OSBPL10: variants seen among roughly 807,000 people sequenced by gnomAD.
OSBPL10 encodes the protein oxysterol binding protein like 10, also known as oxysterol-binding protein-related protein 10.
OSBPL10 carries 49 observed loss-of-function variants against 81.7 expected under a neutral mutation model. That is an observed-to-expected ratio of 0.60 (90% CI 0.48 to 0.76). The LOEUF (loss-of-function observed/expected upper bound fraction) is 0.76, where lower values mean the gene tolerates loss of function less well. OSBPL10 is among the 30% of genes least tolerant of loss of function. OSBPL10 has a pLI of 0.00. For missense variants in OSBPL10, 923 were observed against 987.8 expected (o/e 0.93, Z 0.88); for synonymous variants, 419 against 383.6 (o/e 1.09, Z -1.08).
intron 1 of OSBPL10, among the ~76,000 whole-genome samples, chr3:31,925,538 C>T (rs866259976): frequency 6.6e-6 from 1 of 151,052 alleles, no homozygotes; most frequent in Non-Finnish European, 1.5e-5. Context: ...TGGGGCCGGG[C>T]GCAGTGGCTC....
intron 2 of OSBPL10, among the ~76,000 whole-genome samples, chr3:32,028,214 G>A (rs911670353): frequency 5.3e-5 from 8 of 152,210 alleles, no homozygotes; most frequent in African/African-American, 1.9e-4. Flanking sequence ...ATAAATGTGT[G>A]CCTGTCAACT....
At chr3:31,905,576 C>T (rs1304462448) in intron 1 of OSBPL10, among the ~76,000 whole-genome samples, 1 of 151,956 alleles carries the variant, frequency 6.6e-6, no homozygotes, top group African/African-American at 2.4e-5. Flanking sequence ...TCTCGAACTC[C>T]TGACCTCAAG....
chr3:31,909,754 G>A lies in OSBPL10; in HGVS notation c.282-29924C>T, dbSNP rs142149536. Among the ~76,000 whole-genome samples the A allele has an allele frequency of 3.2e-3, 493 of 152,138 alleles. 4 individuals carry two copies. The highest frequency in any genetic ancestry group is 0.011 in the African/African-American group (471 of 41,488). ...CCAGGGCCGTTCTTCACATCCCATG[G>A]GAAACACATGCGACTTTGCCTTTAG... is the stretch of plus-strand genomic sequence containing the variant. On this transcript the variant is annotated intron_variant, in intron 1 of 11. Transcript: ENST00000396556.
rs530946296 is a variant in OSBPL10 at position 31,905,522 on chromosome 3, G to A, written c.282-25692C>T. Among the ~76,000 whole-genome samples, 11 of 151,640 alleles carry A rather than the reference G, an allele frequency of 7.3e-5. 1 individual carries two copies. The South Asian group carries it at 1.7e-3, about 23-fold the overall frequency. On this transcript the variant is annotated intron_variant, in intron 1 of 11. Coordinates refer to ENST00000396556, the MANE Select transcript of OSBPL10 (RefSeq NM_017784.5). ...GCGCTACCACACCCAGCTAATTTTT[G>A]TATTTTTAGTAGAGACATGGTTTCG...
chr3:31,728,693 C>CA (rs1413232145), intron 6 of OSBPL10, among the ~76,000 whole-genome samples: 1 of 152,006 alleles, frequency 6.6e-6, no homozygotes, highest in Non-Finnish European at 1.5e-5. Flanking sequence ...CCGGGAAAGA[C>CA]AAAACTATAG....
At chr3:31,828,267 C>A (rs908196843) in intron 4 of OSBPL10, among the ~76,000 whole-genome samples, 3 of 152,144 alleles carry the variant, frequency 2.0e-5, no homozygotes, top group Admixed American at 2.0e-4. Context: ...TTTTATAAAA[C>A]TTAACTATTC....
rs537574401 is a variant in OSBPL10 at position 31,821,370 on chromosome 3, T to A, written c.729+8670A>T. On this transcript the variant is annotated intron_variant, in intron 4 of 11. Coordinates refer to ENST00000396556, the MANE Select transcript of OSBPL10 (RefSeq NM_017784.5). ...ACAGATGCAGAGGCTGATAAGGGAT[T>A]GTAGGGGTGCTCATAAGTTCTCATT... is the stretch of plus-strand genomic sequence containing the variant. Among the ~76,000 whole-genome samples the A allele has an allele frequency of 3.3e-5, 5 of 152,256 alleles. No individual in the cohort carries two copies. The South Asian group carries it at 1.0e-3, about 32-fold the overall frequency.
chr3:32,022,743 C>T (rs1699371958), intron 2 of OSBPL10, among the ~76,000 whole-genome samples: 1 of 151,954 alleles, frequency 6.6e-6, no homozygotes, highest in Non-Finnish European at 1.5e-5. Context: ...GCACACACTG[C>T]ACTCCAGCCT....
chr3:31,902,340 G>A lies in OSBPL10; in HGVS notation c.282-22510C>T, dbSNP rs148048960. Among the ~76,000 whole-genome samples the A allele has an allele frequency of 6.3e-3, 906 of 143,942 alleles. 10 individuals carry two copies. The highest frequency in any genetic ancestry group is 0.023 in the African/African-American group (875 of 38,346). 94.4% of individuals were successfully genotyped at this position (143,942 alleles called of 152,430 possible). A position where few individuals can be genotyped will look rare whatever the true frequency, so the allele number is the denominator to read the frequency against. ...CGCAGTGGCACCATCTCGGCTTACT[G>A]CAACCTCTGCCTCCCTGGTTCAAGC... On this transcript the variant is annotated intron_variant, in intron 1 of 11. Transcript: ENST00000396556.
At chr3:31,836,933 A>G (rs1199850539) in intron 3 of OSBPL10, among the ~76,000 whole-genome samples, 2 of 152,190 alleles carry the variant, frequency 1.3e-5, no homozygotes, top group Admixed American at 6.5e-5. Flanking sequence ...TTAGAGCTAG[A>G]TGGAATCTCA....
intron 4 of OSBPL10, among the ~76,000 whole-genome samples, chr3:31,762,683 GGT>G (rs1446235634): frequency 8.2e-6 from 1 of 121,502 alleles, no homozygotes. Context: ...TGCCCAGGCT[GGT>G]GTCAAGCTCC....
At chr3:31,862,981 A>G (rs546845017) in intron 3 of OSBPL10, among the ~76,000 whole-genome samples, 1 of 152,248 alleles carries the variant, frequency 6.6e-6, no homozygotes, top group Non-Finnish European at 1.5e-5. Context: ...TCACAGCAGC[A>G]TTATTCACAA....
chr3:31,750,277 T>C (rs1210992841), intron 4 of OSBPL10, among the ~76,000 whole-genome samples: 1 of 152,226 alleles, frequency 6.6e-6, no homozygotes, highest in Non-Finnish European at 1.5e-5. Context: ...TTTACCTCCT[T>C]CCAAACTAAC....
chr3:32,073,520 A>G (rs1699850167), intron 1 of OSBPL10, among the ~76,000 whole-genome samples: 1 of 151,688 alleles, frequency 6.6e-6, no homozygotes, highest in Non-Finnish European at 1.5e-5. Flanking sequence ...AATTGCAAGT[A>G]CTCTCCCCTA....
Position 31,956,746 on chromosome 3 carries a change from CT to C in OSBPL10, c.281+24152del, listed in dbSNP as rs552289625. On this transcript the variant is annotated intron_variant, in intron 1 of 11. Transcript: ENST00000396556. Reference sequence around the variant, plus strand: ...TCCGTCTCAAAAAAAAAAAGGGGGCCTTTCATGGACCCTGGCCTTGCTCCCT... The same window carrying C: ...TCCGTCTCAAAAAAAAAAAGGGGGCCTTCATGGACCCTGGCCTTGCTCCCT... 2.1e-3 allele frequency among the ~76,000 whole-genome samples: 319 copies of C among 151,586 alleles called. 2 individuals carry two copies. The highest frequency in any genetic ancestry group is 4.1e-3 in the Non-Finnish European group (278 of 67,836).
intron 4 of OSBPL10, among the ~76,000 whole-genome samples, chr3:31,818,890 C>T (rs1670981041): frequency 6.6e-6 from 1 of 152,228 alleles, no homozygotes; most frequent in Admixed American, 6.5e-5. Flanking sequence ...ACTCCACCAC[C>T]ACCCCTACCG....
intron 1 of OSBPL10, among the ~76,000 whole-genome samples, chr3:32,072,243 G>A (rs774463882): frequency 2.9e-4 from 44 of 151,490 alleles, no homozygotes; most frequent in African/African-American, 9.5e-4. Context: ...TCTCAAGGCC[G>A]CTTTACTTCC....
At chr3:31,701,006 T>C (rs896223541) in intron 7 of OSBPL10, among the ~76,000 whole-genome samples, 1 of 152,156 alleles carries the variant, frequency 6.6e-6, no homozygotes, top group African/African-American at 2.4e-5. Flanking sequence ...TTTAAAGTGG[T>C]GCAGTCTCCC....
intron 3 of OSBPL10, among the ~76,000 whole-genome samples, chr3:31,859,814 A>G: frequency 6.6e-6 from 1 of 152,186 alleles, no homozygotes; most frequent in East Asian, 1.9e-4. Flanking sequence ...AGGAATACAC[A>G]ATTCATTACA....
Sources: gnomAD v4.1 joint callset for allele counts (sites outside exome capture counted in the v4.1 genomes callset) on GRCh38, gnomAD v4.1.1 for gene constraint, MANE v1.5 for transcripts, NCBI Gene and HGNC (gene_info 2026-07-23, HGNC 2026-07-21) for gene names.